Variants in PARP4 observed in about 807,000 individuals in gnomAD.
The protein encoded by PARP4 is protein mono-ADP-ribosyltransferase PARP4.
In PARP4, 120 loss-of-function variants were observed where a neutral mutation model predicts 187.7. The ratio of observed to expected loss-of-function variants is 0.64; its 90% CI spans 0.55 to 0.74. The LOEUF (loss-of-function observed/expected upper bound fraction) is 0.74. PARP4 is among the 30% of genes least tolerant of loss of function. The pLI is 0.00. For synonymous variants in PARP4, 654 were observed against 740.9 expected (o/e 0.88, Z 1.90); for missense variants, 1,836 against 2,070.5 (o/e 0.89, Z 2.20).
At chr13:24,434,353 A>C in intron 31 of PARP4, 42 bp downstream of exon 31, 1 of 1,511,754 alleles carries the variant, frequency 6.6e-7, no homozygotes, top group Non-Finnish European at 8.8e-7. Context: ...CTAAACTATG[A>C]AGCCAGCCAA....
chr13:24,489,804 A>G (rs903737133), intron 10 of PARP4, among the ~76,000 whole-genome samples: 13 of 152,152 alleles, frequency 8.5e-5, no homozygotes, highest in East Asian at 1.9e-4. Context: ...TCTCTAAACA[A>G]CAGCAGCAAC....
chr13:24,484,258 C>T (rs13378895), intron 12 of PARP4, among the ~76,000 whole-genome samples: 2,240 of 152,300 alleles, frequency 0.015, 59 homozygotes, highest in African/African-American at 0.051. Flanking sequence ...CCTTGAATTC[C>T]TGGACTCAAG....
chr13:24,447,100 C>A lies in PARP4; in HGVS notation c.3201G>T (p.Glu1067Asp), dbSNP rs1477119115. 1 of 1,613,034 alleles carries A rather than the reference C, an allele frequency of 6.2e-7. No homozygotes were observed. Among genetic ancestry groups the A allele is most frequent in the African/African-American group, 1.3e-5 (1 of 74,920 alleles). ...GCACCTGGGCTGGGGCCTGCAGGGC[C>A]TCGGGCACATCTGGATTGAGTTGCT... is the stretch of plus-strand genomic sequence containing the variant. Reference protein sequence around the residue: ...KWQQLNPDVPEALQAPAQVPS... With the variant: ...KWQQLNPDVPDALQAPAQVPS... Residue 1067 changes from glutamate to aspartate, a missense_variant, in exon 26 of 34, where the codon GAG becomes GAT. Around this residue, in one of 8 missense-constraint regions of PARP4, gnomAD observed 56 missense variants for 103.7 expected, o/e 0.54. Transcript: ENST00000381989.
rs374179211 is a variant in PARP4 at position 24,421,079 on chromosome 13, T to C, written c.*40A>G. On this transcript the variant is annotated 3_prime_UTR_variant, in exon 34 of 34. Coordinates refer to ENST00000381989, the MANE Select transcript of PARP4 (RefSeq NM_006437.4). ...TATTATCATTTGATTATTTTCTACA[T>C]AGAAGCATGCAAAAAGTTTAAAATT... 1.3e-3 allele frequency: 1,576 copies of C among 1,248,018 alleles called. 10 individuals carry two copies. The highest frequency in any genetic ancestry group is 0.01 in the South Asian group (663 of 63,448). 77.3% of individuals were successfully genotyped at this position (1,248,018 alleles called of 1,614,324 possible).
chr13:24,495,700 T>C (rs1186116703), intron 6 of PARP4, among the ~76,000 whole-genome samples: 1 of 152,142 alleles, frequency 6.6e-6, no homozygotes, highest in African/African-American at 2.4e-5. Flanking sequence ...TGTGGACCCC[T>C]GGGAAGCCAC....
chr13:24,459,871 T>C (rs1358774088), intron 18 of PARP4, 101 bp downstream of exon 18: 2 of 905,516 alleles, frequency 2.2e-6, no homozygotes, highest in Admixed American at 5.9e-5. Context: ...TAAAAGATTA[T>C]TTTACATGTT....
chr13:24,504,689 T>A (rs1869513079), intron 1 of PARP4, among the ~76,000 whole-genome samples: 1 of 151,904 alleles, frequency 6.6e-6, no homozygotes, highest in African/African-American at 2.4e-5. Context: ...TGTGTTTAAT[T>A]TCCATTTTGT....
At chr13:24,439,511 T>G (rs943037345) in intron 30 of PARP4, among the ~76,000 whole-genome samples, 1 of 151,886 alleles carries the variant, frequency 6.6e-6, no homozygotes, top group African/African-American at 2.4e-5. Flanking sequence ...TGTAGCAGAG[T>G]GTAGGGGCGT....
chr13:24,460,272 A>C, intron 17 of PARP4, 136 bp from the exon 18 acceptor site: 5 of 718,262 alleles, frequency 7.0e-6, no homozygotes, highest in Non-Finnish European at 9.2e-6. Flanking sequence ...TAAAACCTAA[A>C]AGACACATTG....
chr13:24,442,325 G>A (rs1381288954), intron 29 of PARP4, among the ~76,000 whole-genome samples: 6 of 152,394 alleles, frequency 3.9e-5, no homozygotes, highest in East Asian at 1.9e-4. Flanking sequence ...TAGTATAACC[G>A]AAAAGTACAC....
At chr13:24,429,427 G>C (rs1476785285) in intron 32 of PARP4, among the ~76,000 whole-genome samples, 1 of 152,080 alleles carries the variant, frequency 6.6e-6, no homozygotes, top group Non-Finnish European at 1.5e-5. Flanking sequence ...GCCTTGTAGA[G>C]ACTCTCAGCT....
chr13:24,494,371 T>C (rs765636223), intron 7 of PARP4, among the ~76,000 whole-genome samples: 4 of 152,098 alleles, frequency 2.6e-5, no homozygotes, highest in Admixed American at 6.5e-5. Context: ...TGTTTTTCAG[T>C]TTACGTAGAA....
At chr13:24,439,044 A>G (rs991979139) in intron 30 of PARP4, among the ~76,000 whole-genome samples, 2 of 152,216 alleles carry the variant, frequency 1.3e-5, no homozygotes, top group African/African-American at 2.4e-5. Flanking sequence ...TTTTCATCTG[A>G]TATGTTTGGA....
At chr13:24,475,694 T>C (rs1188525138) in intron 14 of PARP4, 98 bp from the exon 15 acceptor site, 2 of 1,229,438 alleles carry the variant, frequency 1.6e-6, no homozygotes, top group Non-Finnish European at 2.3e-6. Context: ...ATGCATTTTA[T>C]TTTAGGGAAA....
Position 24,486,171 on chromosome 13 carries a change from C to A in PARP4, c.1349G>T (p.Cys450Phe), listed in dbSNP as rs761669958. The A allele has an allele frequency of 6.2e-7, 1 of 1,609,312 alleles. No individual in the cohort carries two copies. Among genetic ancestry groups the A allele is most frequent in the South Asian group, 1.1e-5 (1 of 89,530 alleles). Residue 450 changes from cysteine (C) to phenylalanine (F), a missense_variant, in exon 11 of 34, where the codon TGT becomes TTT. Cys to Phe is a radical substitution (Grantham distance 205). Coordinates refer to ENST00000381989, the MANE Select transcript of PARP4 (RefSeq NM_006437.4). Reference sequence around the variant, plus strand: ...AAATAAAGATGGCTACTCTTACCGACACAAGATTCCCACGATGTTTTGTAC... The same window carrying A: ...AAATAAAGATGGCTACTCTTACCGAAACAAGATTCCCACGATGTTTTGTAC... ...SPVQNIVGILCRGLLLPKVVE... is the reference protein window; with the variant it reads ...SPVQNIVGILFRGLLLPKVVE...
At chr13:24,493,838 G>C in intron 7 of PARP4, 105 bp from the exon 8 acceptor site, 1 of 1,051,108 alleles carries the variant, frequency 9.5e-7, no homozygotes, top group South Asian at 1.4e-5. Flanking sequence ...TAATTGATTA[G>C]AGCCCAGGAG....
At chr13:24,452,184 G>A (rs1356634858) in intron 24 of PARP4, 1 of 460,770 alleles carries the variant, frequency 2.2e-6, no homozygotes. Flanking sequence ...TTTTACAGAT[G>A]AGAGGTTAAG....
At chr13:24,508,340 C>G (rs1202270126) in intron 1 of PARP4, among the ~76,000 whole-genome samples, 1 of 152,122 alleles carries the variant, frequency 6.6e-6, no homozygotes, top group Non-Finnish European at 1.5e-5. Flanking sequence ...GTTAAATCCT[C>G]TGACCTGTTT....
At chr13:24,503,568 T>C in intron 2 of PARP4, 77 bp downstream of exon 2, 1 of 1,519,342 alleles carries the variant, frequency 6.6e-7, no homozygotes, top group Non-Finnish European at 9.1e-7. Context: ...TAATCTCTGC[T>C]TCCTCTTCTA....
Sources: allele counts gnomAD v4.1 joint callset (sites outside exome capture counted in the v4.1 genomes callset), GRCh38; gene constraint gnomAD v4.1.1; regional missense constraint gnomAD v4.1.1; transcripts MANE v1.5; gene names NCBI Gene and HGNC (gene_info 2026-07-23, HGNC 2026-07-21).